CNOT2: variants seen among roughly 807,000 people sequenced by gnomAD.
CNOT2 encodes the protein CCR4-NOT transcription complex subunit 2.
A neutral mutation model predicts 72.1 loss-of-function variants in CNOT2; 7 were observed. The ratio of observed to expected loss-of-function variants is 0.10; its 90% CI spans 0.06 to 0.18. The LOEUF is 0.18. Among genes scored for constraint, CNOT2 ranks in the 10% least tolerant of loss-of-function variants. The probability of loss-of-function intolerance (pLI) is 1.00; values close to 1 mark genes in which losing one functional copy is unlikely to be tolerated. For missense variants in CNOT2, 345 were observed against 660.3 expected (o/e 0.52, Z 5.23); for synonymous variants, 196 against 225.6 (o/e 0.87, Z 1.17).
Position 70,332,951 on chromosome 12 carries a change from T to C in CNOT2, c.649+105T>C, listed in dbSNP as rs1328312862. 4.4e-6 allele frequency: 6 copies of C among 1,355,078 alleles called. No individual in the cohort carries two copies. In the African/African-American group the frequency reaches 7.5e-5, roughly 17 times the overall value. The allele number at this position is 1,355,078 out of a possible 1,614,324, so 83.9% of individuals were successfully genotyped here. On this transcript the variant is annotated intron_variant, in intron 7 of 15. Coordinates refer to ENST00000229195, the MANE Select transcript of CNOT2 (RefSeq NM_014515.7). ...TTAAATACGGTAGGATTTTTTATTA[T>C]GTTAGATGGTAGATTTTAATTCAGT...
chr12:70,258,561 A>G (rs955992508), intron 1 of CNOT2, among the ~76,000 whole-genome samples: 2 of 152,226 alleles, frequency 1.3e-5, no homozygotes, highest in African/African-American at 4.8e-5. Flanking sequence ...TTAATTTAAC[A>G]AATATTTATT....
At chr12:70,281,351 G>A (rs925111290) in intron 2 of CNOT2, among the ~76,000 whole-genome samples, 3 of 152,092 alleles carry the variant, frequency 2.0e-5, no homozygotes, top group East Asian at 3.9e-4. Context: ...TGAAAGTGCT[G>A]GGATTACAGG....
intron 1 of CNOT2, among the ~76,000 whole-genome samples, chr12:70,257,311 T>C (rs527690759): frequency 7.9e-5 from 12 of 151,648 alleles, no homozygotes. Flanking sequence ...GCACATCCGA[T>C]AGTATACAGG....
chr12:70,331,789 CAA>C (rs1023497217), intron 6 of CNOT2: 44 of 151,668 alleles, frequency 2.9e-4, no homozygotes, highest in African/African-American at 1.0e-3. Flanking sequence ...TAGATTTAGT[CAA>C]AACCCAAAAA....
At chr12:70,292,147 A>T (rs1489585870) in intron 2 of CNOT2, among the ~76,000 whole-genome samples, 1 of 152,210 alleles carries the variant, frequency 6.6e-6, no homozygotes, top group Non-Finnish European at 1.5e-5. Context: ...AATAAGACAT[A>T]TTAACATCAT....
intron 1 of CNOT2, among the ~76,000 whole-genome samples, chr12:70,274,668 C>T (rs898713491): frequency 6.6e-6 from 1 of 151,936 alleles, no homozygotes; most frequent in African/African-American, 2.4e-5. Flanking sequence ...TCATCTAAGT[C>T]ATTTTATTTT....
intron 1 of CNOT2, among the ~76,000 whole-genome samples, chr12:70,261,296 T>C (rs1246398190): frequency 6.9e-6 from 1 of 145,196 alleles, no homozygotes; most frequent in Non-Finnish European, 1.5e-5. Context: ...GTGCCTATTT[T>C]CTTTCTTTCT....
intron 2 of CNOT2, among the ~76,000 whole-genome samples, chr12:70,298,865 A>C (rs1384322315): frequency 6.6e-6 from 1 of 152,166 alleles, no homozygotes; most frequent in Non-Finnish European, 1.5e-5. Flanking sequence ...CTGTTGAGGA[A>C]TTTTTATCAG....
intron 4 of CNOT2, among the ~76,000 whole-genome samples, chr12:70,319,875 G>A (rs7136214): frequency 0.52 from 79,293 of 151,330 alleles, 21,386 homozygotes; most frequent in African/African-American, 0.65. Flanking sequence ...TTTGACTCAC[G>A]GTTTAATGCT....
chr12:70,272,053 C>T (rs1296791099), intron 1 of CNOT2, among the ~76,000 whole-genome samples: 1 of 152,142 alleles, frequency 6.6e-6, no homozygotes, highest in East Asian at 1.9e-4. Context: ...TTAAAATTAA[C>T]CTTCCGGTTG....
At chr12:70,253,866 T>C (rs974494572) in intron 1 of CNOT2, among the ~76,000 whole-genome samples, 2 of 152,214 alleles carry the variant, frequency 1.3e-5, no homozygotes, top group African/African-American at 2.4e-5. Context: ...TTATATGTAC[T>C]GTTCCCCCCT....
At position 70,354,249 on chromosome 12, in the gene CNOT2, AAAAG is replaced by A. The variant is rs1883227030; in HGVS notation, c.*338_*341del. 1 of 258,882 alleles carries A rather than the reference AAAAG, an allele frequency of 3.9e-6. No homozygotes were observed. Among genetic ancestry groups the A allele is most frequent in the Non-Finnish European group, 7.1e-6 (1 of 141,004 alleles). 16.0% of individuals were successfully genotyped at this position (258,882 alleles called of 1,614,324 possible). A position where few individuals can be genotyped will look rare whatever the true frequency, so the allele number is the denominator to read the frequency against. On this transcript the variant is annotated 3_prime_UTR_variant, in exon 16 of 16. Coordinates refer to ENST00000229195, the MANE Select transcript of CNOT2 (RefSeq NM_014515.7). ...GTTTACCATAGTTTCTAAAATGTAA[AAAAG>A]AAAACCCCCAAAAGACTCAAGAAAA...
At chr12:70,275,585 G>A (rs781685493) in intron 1 of CNOT2, among the ~76,000 whole-genome samples, 94 of 152,156 alleles carry the variant, frequency 6.2e-4, no homozygotes, top group Non-Finnish European at 8.5e-4. Flanking sequence ...TTTATTTAAG[G>A]TAGAAGGGTA....
intron 2 of CNOT2, among the ~76,000 whole-genome samples, chr12:70,301,485 GT>G (rs61537775): frequency 0.7 from 106,400 of 151,882 alleles, 37,582 homozygotes; most frequent in East Asian, 0.94. Flanking sequence ...TAATCATGCC[GT>G]TTTTTTTCTT....
At chr12:70,347,716 A>G (rs1338097933) in intron 15 of CNOT2, 1 of 151,024 alleles carries the variant, frequency 6.6e-6, no homozygotes, top group African/African-American at 2.4e-5. Flanking sequence ...TTTTTTTTAG[A>G]TGTTTCTCAG....
chr12:70,310,885 T>A lies in CNOT2; in HGVS notation c.49-10T>A. On this transcript the variant is annotated splice_polypyrimidine_tract_variant and intron_variant, in intron 2 of 15. Transcript: ENST00000229195. Reference sequence around the variant, plus strand: ...GTATTACCCCTGATAAAAGTAATATTTTTGTTTAGGTGACAAACAGCATGT... The same window carrying A: ...GTATTACCCCTGATAAAAGTAATATATTTGTTTAGGTGACAAACAGCATGT... 1 of 1,609,982 alleles carries A rather than the reference T, an allele frequency of 6.2e-7. No homozygotes were observed. The highest frequency in any genetic ancestry group is 8.5e-7 in the Non-Finnish European group (1 of 1,177,486).
At chr12:70,316,381 A>G (rs1214937306) in intron 3 of CNOT2, among the ~76,000 whole-genome samples, 1 of 152,170 alleles carries the variant, frequency 6.6e-6, no homozygotes, top group East Asian at 1.9e-4. Flanking sequence ...CATAAAAAGC[A>G]TTTCTGTGAC....
intron 3 of CNOT2, among the ~76,000 whole-genome samples, chr12:70,316,573 C>G (rs753416352): frequency 2.2e-4 from 34 of 152,116 alleles, no homozygotes; most frequent in Non-Finnish European, 4.0e-4. Flanking sequence ...CTGATCGATG[C>G]TTATTTTACA....
chr12:70,257,256 C>T (rs1958500834), intron 1 of CNOT2, among the ~76,000 whole-genome samples: 1 of 151,762 alleles, frequency 6.6e-6, no homozygotes, highest in Non-Finnish European at 1.5e-5. Flanking sequence ...ATATACTTAA[C>T]TCAGAGGTTA....
Sources: allele counts gnomAD v4.1 joint callset (sites outside exome capture counted in the v4.1 genomes callset), GRCh38; gene constraint gnomAD v4.1.1; transcripts MANE v1.5; gene names NCBI Gene and HGNC (gene_info 2026-07-23, HGNC 2026-07-21).